The following GCA variants were observed in gnomAD, a reference collection of about 807,000 sequenced individuals.
The protein encoded by GCA is grancalcin, EF-hand calcium-binding protein.
GCA carries 30 observed loss-of-function variants against 32.6 expected under a neutral mutation model. That is an observed-to-expected ratio of 0.92 (90% CI 0.69 to 1.25). The LOEUF is 1.25. GCA is among the 50% of genes most tolerant of loss of function. GCA has a pLI of 0.00. For synonymous variants in GCA, 102 were observed against 84.6 expected, an observed-to-expected ratio of 1.21 and a Z score of -1.13; for missense variants, 291 against 266.8, an observed-to-expected ratio of 1.09 and a Z score of -0.63.
rs543019693 is a variant in GCA at position 162,324,879 on chromosome 2, G to A, written c.-31+5654G>A. 7.9e-4 allele frequency among the ~76,000 whole-genome samples: 120 copies of A among 152,226 alleles called. 1 individual carries two copies. The highest frequency in any genetic ancestry group is 2.8e-3 in the African/African-American group (116 of 41,534). On this transcript the variant is annotated intron_variant, in intron 1 of 4. Coordinates refer to the GCA transcript ENST00000429691. ...CCTGCTGACAGGGGGCATTGTTTTG[G>A]TAAAAATGGCACAGACTCCTCCCAG... is the stretch of plus-strand genomic sequence containing the variant.
In GCA at chr2:162,347,687, C is replaced by T; in HGVS notation, c.137C>T (p.Thr46Ile). 1 of 1,608,742 alleles carries T rather than the reference C, an allele frequency of 6.2e-7. No individual in the cohort carries two copies. Among genetic ancestry groups the T allele is most frequent in the Non-Finnish European group, 8.5e-7 (1 of 1,176,498 alleles). ...DGYSGPAYSD[T>I]YSSAGDSVYT... Reference sequence around the variant, plus strand: ...TACTCTGGGCCAGCATATTCAGACACTTATTCCTCAGCTGGTGACTCCGTG... The same window carrying T: ...TACTCTGGGCCAGCATATTCAGACATTTATTCCTCAGCTGGTGACTCCGTG... Residue 46 changes from threonine to isoleucine, a missense_variant, in exon 2 of 8, where the codon ACT (threonine) becomes ATT (isoleucine). By Grantham distance (89) the Thr-to-Ile change is moderately conservative. Coordinates refer to ENST00000437150, the MANE Select transcript of GCA (RefSeq NM_012198.5).
At chr2:162,368,447 G>A (rs1209851332) in intron 4 of GCA, among the ~76,000 whole-genome samples, 1 of 151,770 alleles carries the variant, frequency 6.6e-6, no homozygotes, top group Non-Finnish European at 1.5e-5. Flanking sequence ...TCATTTAGAG[G>A]AATGATACTG....
chr2:162,358,364 A>G (rs556822097), intron 5 of GCA, among the ~76,000 whole-genome samples: 1 of 151,640 alleles, frequency 6.6e-6, no homozygotes, highest in Non-Finnish European at 1.5e-5. Flanking sequence ...TAGAATTTAA[A>G]ATTAATTTAA....
At chr2:162,324,324 G>C (rs1029387867) in intron 1 of GCA, among the ~76,000 whole-genome samples, 3 of 152,164 alleles carry the variant, frequency 2.0e-5, no homozygotes, top group African/African-American at 7.2e-5. Context: ...ATATTGAGTG[G>C]AGGTAGCTCA....
chr2:162,322,107 A>G (rs1277262344), intron 1 of GCA, among the ~76,000 whole-genome samples: 3 of 150,248 alleles, frequency 2.0e-5, no homozygotes, highest in African/African-American at 7.3e-5. Context: ...TAGAAAAAAA[A>G]TTATGGCTAA....
intron 1 of GCA, among the ~76,000 whole-genome samples, chr2:162,332,317 A>AG (rs1255070626): frequency 3.7e-5 from 5 of 135,646 alleles, no homozygotes; most frequent in African/African-American, 1.3e-4. Context: ...TCAAAAAAAA[A>AG]AAAAAATATA....
chr2:162,364,969 T>C (rs1301533651), downstream of GCA, among the ~76,000 whole-genome samples: 2 of 151,522 alleles, frequency 1.3e-5, no homozygotes, highest in East Asian at 3.9e-4. Flanking sequence ...TTAGATTTAA[T>C]GCTTTTTGCC....
At chr2:162,347,377 T>C (rs1376591808) in intron 1 of GCA, among the ~76,000 whole-genome samples, 2 of 152,140 alleles carry the variant, frequency 1.3e-5, no homozygotes, top group Non-Finnish European at 2.9e-5. Flanking sequence ...CTTTTAATGC[T>C]GGGTAATATA....
At chr2:162,348,047 C>G (rs887721027) in intron 2 of GCA, among the ~76,000 whole-genome samples, 8 of 152,066 alleles carry the variant, frequency 5.3e-5, no homozygotes, top group African/African-American at 1.7e-4. Flanking sequence ...CAAGGGGCTC[C>G]TCTTACTAGT....
intron 1 of GCA, among the ~76,000 whole-genome samples, chr2:162,327,666 G>A (rs932820198): frequency 6.6e-6 from 1 of 152,180 alleles, no homozygotes; most frequent in Non-Finnish European, 1.5e-5. Flanking sequence ...AGCTGAGAGG[G>A]GAAAGGGTAA....
exon 1 of GCA, chr2:162,319,054 G>C: frequency 2.3e-6 from 1 of 430,724 alleles, no homozygotes; most frequent in East Asian, 7.2e-5. Flanking sequence ...CTCGGCTGGT[G>C]AATGTAGGCA....
intron 3 of GCA, among the ~76,000 whole-genome samples, chr2:162,356,199 C>A (rs972379651): frequency 1.7e-4 from 26 of 152,002 alleles, no homozygotes; most frequent in African/African-American, 5.8e-4. Context: ...CAGTAATTTT[C>A]AGTTAGTTTG....
intron 1 of GCA, among the ~76,000 whole-genome samples, chr2:162,322,032 C>T (rs1384142951): frequency 6.7e-6 from 1 of 148,900 alleles, no homozygotes; most frequent in Non-Finnish European, 1.5e-5. Context: ...GCTGATTTAG[C>T]AGGAAAGTTT....
At chr2:162,364,162 G>A (rs976109118), downstream of GCA, among the ~76,000 whole-genome samples, 11 of 151,362 alleles carry the variant, frequency 7.3e-5, no homozygotes, top group African/African-American at 2.7e-4. Context: ...AAAAATGTAA[G>A]TATGTACAGA....
At chr2:162,372,242 A>G (rs1279669529), downstream of GCA, 2 of 671,042 alleles carry the variant, frequency 3.0e-6, no homozygotes, top group Non-Finnish European at 5.0e-6. Flanking sequence ...TCCTAAAATG[A>G]GTCAGGACGT....
At chr2:162,354,932 A>G (rs1015463525) in intron 3 of GCA, among the ~76,000 whole-genome samples, 5 of 152,158 alleles carry the variant, frequency 3.3e-5, no homozygotes, top group Non-Finnish European at 5.9e-5. Context: ...ATACATACAC[A>G]TTCCTATTCT....
chr2:162,366,948 G>A (rs1447774407), downstream of GCA, among the ~76,000 whole-genome samples: 1 of 151,830 alleles, frequency 6.6e-6, no homozygotes, highest in Non-Finnish European at 1.5e-5. Context: ...TGTTTTAGAA[G>A]ACCTTAAGTA....
Position 162,351,364 on chromosome 2 carries a change from C to T in GCA, c.193-974C>T, listed in dbSNP as rs1021913951. Among the ~76,000 whole-genome samples, 9 of 152,256 alleles carry T rather than the reference C, an allele frequency of 5.9e-5. 1 individual carries two copies. Among genetic ancestry groups the T allele is most frequent in the South Asian group, 4.1e-4 (2 of 4,832 alleles). The stretch of plus-strand genomic sequence containing the variant: ...ATCATTTTAAAATCTTGCTGCCTAA[C>T]GAAGGGCAATTGATTTTTGTTAATT... On this transcript the variant is annotated intron_variant, in intron 2 of 7. Transcript: ENST00000437150.
chr2:162,323,623 A>G (rs1683766265), intron 1 of GCA, among the ~76,000 whole-genome samples: 2 of 151,952 alleles, frequency 1.3e-5, no homozygotes, highest in African/African-American at 2.4e-5. Flanking sequence ...AGCTTTCTAC[A>G]TATGGCTAGC....
Sources: allele counts gnomAD v4.1 joint callset (sites outside exome capture counted in the v4.1 genomes callset), GRCh38; gene constraint gnomAD v4.1.1; transcripts MANE v1.5; gene names NCBI Gene and HGNC (gene_info 2026-07-23, HGNC 2026-07-21).